GPD2: variants seen among roughly 807,000 people sequenced by gnomAD.
GPD2 encodes the protein glycerol-3-phosphate dehydrogenase, mitochondrial.
Under a neutral mutation model 82.4 loss-of-function variants are expected in GPD2, and 54 were observed. The observed-to-expected ratio is 0.66, with a 90% CI of 0.53 to 0.82. The LOEUF is 0.82. Ranked by LOEUF, GPD2 falls within the 40% of genes least tolerant of loss-of-function variation. The probability of loss-of-function intolerance (pLI) is 0.00; values close to 1 mark genes in which losing one functional copy is unlikely to be tolerated. For synonymous variants in GPD2, 288 were observed against 306.1 expected (o/e 0.94, Z 0.62); for missense variants, 748 against 896.2 (o/e 0.83, Z 2.11).
At chr2:156,444,837 G>T (rs1267823364) in intron 1 of GPD2, among the ~76,000 whole-genome samples, 1 of 152,172 alleles carries the variant, frequency 6.6e-6, no homozygotes, top group Non-Finnish European at 1.5e-5. Flanking sequence ...CTGCAGCTTT[G>T]CACTCCTACG....
rs1687840441 is a variant in GPD2 at position 156,576,869 on chromosome 2, A to G, written c.1768-2020A>G. Reference sequence around the variant, plus strand: ...TTTCCAAGGAGATGGATTTTGAACAAGTTGTGTAGAAAATGGCTAGGTAAA... The same window carrying G: ...TTTCCAAGGAGATGGATTTTGAACAGGTTGTGTAGAAAATGGCTAGGTAAA... On this transcript the variant is annotated intron_variant, in intron 13 of 16. Coordinates refer to ENST00000438166, the MANE Select transcript of GPD2 (RefSeq NM_000408.5). Among the ~76,000 whole-genome samples, 3 of 152,140 alleles carry G rather than the reference A, an allele frequency of 2.0e-5. No individual in the cohort carries two copies. The South Asian group carries it at 6.2e-4, about 32-fold the overall frequency.
chr2:156,461,545 AT>A (rs1454284463), intron 1 of GPD2, among the ~76,000 whole-genome samples: 1 of 151,436 alleles, frequency 6.6e-6, no homozygotes, highest in East Asian at 1.9e-4. Context: ...TGCCCAGCTC[AT>A]TTTTTCTATT....
chr2:156,466,919 G>A (rs1441145234), intron 1 of GPD2, among the ~76,000 whole-genome samples: 1 of 152,080 alleles, frequency 6.6e-6, no homozygotes, highest in Non-Finnish European at 1.5e-5. Flanking sequence ...CCAGGCTCCT[G>A]CCCTCCTTTG....
At chr2:156,562,653 C>T (rs927457887) in intron 9 of GPD2, among the ~76,000 whole-genome samples, 2 of 152,054 alleles carry the variant, frequency 1.3e-5, no homozygotes, top group Admixed American at 1.3e-4. Context: ...ATTGTCACTT[C>T]CTGTGGGCTT....
chr2:156,549,566 G>A (rs779536855), intron 6 of GPD2, 42 bp from the exon 7 acceptor site: 60 of 1,579,926 alleles, frequency 3.8e-5, no homozygotes, highest in Non-Finnish European at 3.0e-5. Context: ...TCTGTGGCTC[G>A]AGGTGACTCC....
chr2:156,491,247 G>T (rs1464478243), intron 2 of GPD2, among the ~76,000 whole-genome samples: 2 of 152,198 alleles, frequency 1.3e-5, no homozygotes, highest in African/African-American at 4.8e-5. Context: ...TTAGTACAGG[G>T]ATTAGTAGAC....
In GPD2 at chr2:156,461,554, A is replaced by G. The variant is rs145516256; in HGVS notation, c.-8-14544A>G. On this transcript the variant is annotated intron_variant, in intron 1 of 16. Transcript: ENST00000438166. ...TTACCATGCCCAGCTCATTTTTTCTATTTTTTGTAGGCACAGGGTCTCACT... is the reference window on the plus strand; with the variant it reads ...TTACCATGCCCAGCTCATTTTTTCTGTTTTTTGTAGGCACAGGGTCTCACT... Among the ~76,000 whole-genome samples, 452 of 151,418 alleles carry G rather than the reference A, an allele frequency of 3.0e-3. 4 individuals carry two copies. The highest frequency in any genetic ancestry group is 5.2e-3 in the Non-Finnish European group (354 of 67,828).
At chr2:156,444,532 G>A (rs971731891) in intron 1 of GPD2, among the ~76,000 whole-genome samples, 1 of 152,066 alleles carries the variant, frequency 6.6e-6, no homozygotes, top group Non-Finnish European at 1.5e-5. Flanking sequence ...GGCCAACGTG[G>A]CAAAACCCTG....
intron 3 of GPD2, among the ~76,000 whole-genome samples, chr2:156,502,666 T>TTC (rs1267375360): frequency 2.6e-5 from 4 of 152,214 alleles, no homozygotes; most frequent in Non-Finnish European, 5.9e-5. Context: ...GATCAAGTGG[T>TTC]TCTCCCACCT....
At chr2:156,577,714 C>T (rs1312553435) in intron 13 of GPD2, among the ~76,000 whole-genome samples, 1 of 152,148 alleles carries the variant, frequency 6.6e-6, no homozygotes, top group African/African-American at 2.4e-5. Flanking sequence ...AGGTTATACT[C>T]AATAACAGTC....
chr2:156,498,801 A>G (rs950235662), intron 3 of GPD2, among the ~76,000 whole-genome samples: 1 of 152,202 alleles, frequency 6.6e-6, no homozygotes, highest in Non-Finnish European at 1.5e-5. Context: ...GGGAGACAGT[A>G]TGTTTCACGG....
chr2:156,490,989 T>A (rs1034218161), intron 2 of GPD2, among the ~76,000 whole-genome samples: 3 of 151,662 alleles, frequency 2.0e-5, no homozygotes, highest in African/African-American at 7.2e-5. Flanking sequence ...AAATTTACCC[T>A]TTATAATTTA....
the GPD2 span, among the ~76,000 whole-genome samples, chr2:156,426,043 C>T: frequency 1.3e-5 from 2 of 152,022 alleles, no homozygotes; most frequent in African/African-American, 4.8e-5. Flanking sequence ...CTGCCTTAGC[C>T]TCCCCGAGTA....
upstream of GPD2, among the ~76,000 whole-genome samples, chr2:156,430,699 C>T (rs1257064939): frequency 6.6e-6 from 1 of 152,208 alleles, no homozygotes; most frequent in Admixed American, 6.5e-5. Context: ...GTATTCCATA[C>T]ATTTTACTTT....
At chr2:156,451,290 G>A (rs967341403) in intron 1 of GPD2, among the ~76,000 whole-genome samples, 12 of 141,016 alleles carry the variant, frequency 8.5e-5, no homozygotes, top group African/African-American at 2.9e-4. Flanking sequence ...GCAGGGCGGG[G>A]GGCTGACCCC....
At chr2:156,561,362 A>T (rs546437257) in intron 9 of GPD2, among the ~76,000 whole-genome samples, 1 of 152,094 alleles carries the variant, frequency 6.6e-6, no homozygotes, top group East Asian at 1.9e-4. Context: ...TTTTGCCTAT[A>T]GCTAGTTAGT....
intron 3 of GPD2, among the ~76,000 whole-genome samples, chr2:156,506,299 GT>G: frequency 6.6e-6 from 1 of 152,166 alleles, no homozygotes. Flanking sequence ...GAGCAGTATC[GT>G]TTCTTTCCAG....
intron 1 of GPD2, among the ~76,000 whole-genome samples, chr2:156,470,414 G>C (rs1408443435): frequency 6.6e-6 from 1 of 152,090 alleles, no homozygotes; most frequent in Non-Finnish European, 1.5e-5. Flanking sequence ...GCCCAAGCTG[G>C]TCTTGAACTC....
intron 6 of GPD2, 60 bp from the exon 7 acceptor site, chr2:156,549,548 A>G (rs1323179332): frequency 2.1e-6 from 3 of 1,420,862 alleles, no homozygotes; most frequent in East Asian, 2.3e-5. Context: ...ACACTTTTGT[A>G]CCACCAGTCT....
Sources: gnomAD v4.1 joint callset for allele counts (sites outside exome capture counted in the v4.1 genomes callset) on GRCh38, gnomAD v4.1.1 for gene constraint, MANE v1.5 for transcripts, NCBI Gene and HGNC (gene_info 2026-07-23, HGNC 2026-07-21) for gene names.